CDC42: variants seen among roughly 807,000 people sequenced by gnomAD.
CDC42 encodes the protein cell division cycle 42, also known as cell division control protein 42 homolog.
Under a neutral mutation model 20.8 loss-of-function variants are expected in CDC42, and 1 was observed. The observed-to-expected ratio is 0.05, with a 90% CI of 0.02 to 0.23. The LOEUF (loss-of-function observed/expected upper bound fraction) is 0.23. Among genes scored for constraint, CDC42 ranks in the 10% least tolerant of loss-of-function variants. The pLI, the probability that CDC42 is intolerant of heterozygous loss-of-function variation, is 1.00. For synonymous variants in CDC42, 72 were observed against 84.8 expected (o/e 0.85, Z 0.83); for missense variants, 49 against 227.9 (o/e 0.21, Z 5.05).
intron 2 of CDC42, 135 bp downstream of exon 2, chr1:22,078,718 C>T (rs1184469869): frequency 6.6e-7 from 1 of 1,504,826 alleles, no homozygotes; most frequent in South Asian, 1.2e-5. Flanking sequence ...CTTGACTTCT[C>T]ATGGGTAAAT....
chr1:22,053,974 C>T (rs1441027587), intron 1 of CDC42, among the ~76,000 whole-genome samples: 1 of 152,126 alleles, frequency 6.6e-6, no homozygotes, highest in Non-Finnish European at 1.5e-5. Flanking sequence ...GAACACTTTT[C>T]GGTCCAAAAT....
chr1:22,100,026 C>CTTTTTTTTTTTTTT lies in CDC42; in HGVS notation c.*8511_*8512insTTTTTTTTTTTTTT, dbSNP rs780658203. Among the ~76,000 whole-genome samples the CTTTTTTTTTTTTTT allele has an allele frequency of 3.5e-5, 2 of 57,584 alleles. No homozygotes were observed. The highest frequency in any genetic ancestry group is 3.4e-5 in the Non-Finnish European group (1 of 29,440). 37.8% of individuals were successfully genotyped at this position (57,584 alleles called of 152,430 possible). On this transcript the variant is annotated 3_prime_UTR_variant, in exon 6 of 6. Transcript: ENST00000656825. ...CCTTTTTTTCTTTCTTCTTCTTCTT[C>CTTTTTTTTTTTTTT]TTCTTTTTTTTTTTTTTTGTATAAT...
intron 3 of CDC42, among the ~76,000 whole-genome samples, chr1:22,084,235 C>T (rs1645636032): frequency 6.6e-6 from 1 of 150,676 alleles, no homozygotes; most frequent in Non-Finnish European, 1.5e-5. Flanking sequence ...TTTGAGGAAC[C>T]TCCGTATTGT....
At chr1:22,065,141 A>G (rs1042916408) in intron 1 of CDC42, among the ~76,000 whole-genome samples, 3 of 152,226 alleles carry the variant, frequency 2.0e-5, no homozygotes, top group African/African-American at 7.2e-5. Flanking sequence ...AGCTTGCCCA[A>G]AATCACACAA....
intron 1 of CDC42, among the ~76,000 whole-genome samples, chr1:22,075,799 G>A (rs1283707003): frequency 3.9e-5 from 6 of 152,152 alleles, no homozygotes; most frequent in Admixed American, 2.0e-4. Context: ...CTAGAGTGTG[G>A]TAGAGCCACT....
At position 22,086,795 on chromosome 1, in the gene CDC42, C is replaced by G. The variant is rs1405901539; in HGVS notation, c.415C>G (p.Pro139Ala). ...LAKNKQKPIT[P>A]ETAEKLARDL... ...CAAGAACAAACAGAAGCCTATCACT[C>G]CAGAGACTGCTGAAAAGCTGGCCCG... The change falls in exon 5 of 6, where the codon CCA (proline) becomes GCA (alanine). Residue 139 changes from proline (P) to alanine (A), a missense_variant. Coordinates refer to ENST00000656825, the MANE Select transcript of CDC42 (RefSeq NM_001791.4). 1.9e-6 allele frequency: 3 copies of G among 1,614,036 alleles called. No homozygotes were observed. Among genetic ancestry groups the G allele is most frequent in the African/African-American group, 2.7e-5 (2 of 75,010 alleles).
chr1:22,062,988 A>C (rs1013401433), intron 1 of CDC42, among the ~76,000 whole-genome samples: 11 of 152,118 alleles, frequency 7.2e-5, no homozygotes, highest in Admixed American at 1.3e-4. Flanking sequence ...TGTCTTTGGC[A>C]GCCCACCTTG....
chr1:22,079,283 C>T (rs192420597), intron 2 of CDC42, among the ~76,000 whole-genome samples: 157 of 152,030 alleles, frequency 1.0e-3, no homozygotes, highest in Admixed American at 2.2e-3. Context: ...GGATTACAGG[C>T]GCCCGCCACC....
At chr1:22,090,925 G>A (rs74901847) in intron 5 of CDC42, 4,279 of 340,374 alleles carry the variant, frequency 0.013, 43 homozygotes, top group Non-Finnish European at 0.015. Context: ...TGGGATAAAG[G>A]GAGTTCAAAG....
intron 3 of CDC42, among the ~76,000 whole-genome samples, chr1:22,082,284 A>G (rs767399): frequency 0.95 from 144,084 of 152,308 alleles, 68,244 homozygotes; most frequent in East Asian, 1. Flanking sequence ...ATTTGAAGGC[A>G]TATTCAATTT....
Position 22,073,496 on chromosome 1 carries a change from G to A in CDC42, c.-50-4933G>A, listed in dbSNP as rs16860633. Among the ~76,000 whole-genome samples the A allele has an allele frequency of 2.3e-3, 342 of 150,976 alleles. 3 individuals are homozygous for A. Among genetic ancestry groups the A allele is most frequent in the Non-Finnish European group, 3.7e-3 (251 of 67,866 alleles). On this transcript the variant is annotated intron_variant, in intron 1 of 5. Coordinates refer to ENST00000656825, the MANE Select transcript of CDC42 (RefSeq NM_001791.4). ...GGAGGTTGCAGTGAGCCGAGATCACGCCATTGCACTCCAGCCTGGGTGACA... is the reference window on the plus strand; with the variant it reads ...GGAGGTTGCAGTGAGCCGAGATCACACCATTGCACTCCAGCCTGGGTGACA...
Position 22,093,242 on chromosome 1 carries a change from G to T in CDC42, c.*1725G>T, listed in dbSNP as rs78066419. 5.5e-3 allele frequency among the ~76,000 whole-genome samples: 835 copies of T among 152,218 alleles called. 13 individuals are homozygous for T. The highest frequency in any genetic ancestry group is 0.019 in the African/African-American group (800 of 41,518). On this transcript the variant is annotated 3_prime_UTR_variant, in exon 6 of 6. Transcript: ENST00000656825. ...GCTCATGGTGGAAGGAAATGTCAGT[G>T]TACCTTTAATCCATAGATCATTGAA... is the stretch of plus-strand genomic sequence containing the variant.
Position 22,086,793 on chromosome 1 carries a change from C to G in CDC42, c.413C>G (p.Thr138Ser). 1 of 1,614,064 alleles carries G rather than the reference C, an allele frequency of 6.2e-7. No homozygotes were observed. Among genetic ancestry groups the G allele is most frequent in the Non-Finnish European group, 8.5e-7 (1 of 1,179,948 alleles). Residue 138 changes from threonine (T) to serine (S), a missense_variant, in exon 5 of 6, where the codon ACT (threonine) becomes AGT (serine). Around this residue, in one of 2 missense-constraint regions of CDC42, gnomAD observed 38 missense variants for 106.6 expected, o/e 0.36. Transcript: ENST00000656825. ...GCCAAGAACAAACAGAAGCCTATCA[C>G]TCCAGAGACTGCTGAAAAGCTGGCC... is the stretch of plus-strand genomic sequence containing the variant. ...KLAKNKQKPI[T>S]PETAEKLARD...
At chr1:22,079,341 G>T (rs1004022869) in intron 2 of CDC42, among the ~76,000 whole-genome samples, 2 of 151,900 alleles carry the variant, frequency 1.3e-5, no homozygotes, top group African/African-American at 2.4e-5. Context: ...GTTTTACCAT[G>T]TTGGCCAGGC....
At chr1:22,078,120 CTG>C (rs376563760) in intron 1 of CDC42, among the ~76,000 whole-genome samples, 8 of 152,290 alleles carry the variant, frequency 5.3e-5, no homozygotes, top group East Asian at 3.9e-4. Flanking sequence ...ATTTAGCACA[CTG>C]TGGAATTTTC....
Position 22,091,702 on chromosome 1 carries a change from T to A in CDC42, c.*185T>A, listed in dbSNP as rs1481844205. 1.4e-5 allele frequency: 5 copies of A among 357,184 alleles called. No individual in the cohort carries two copies. The highest frequency in any genetic ancestry group is 2.5e-5 in the Non-Finnish European group (5 of 199,810). 22.1% of individuals were successfully genotyped at this position (357,184 alleles called of 1,614,324 possible). On this transcript the variant is annotated 3_prime_UTR_variant, in exon 6 of 6. Coordinates refer to ENST00000656825, the MANE Select transcript of CDC42 (RefSeq NM_001791.4). ...ATGGCCCCCCCCTTCCCCCTCCCAG[T>A]ACTAGTTAATTTTGAGTAATTGTAT...
chr1:22,091,447 T>G lies in CDC42; in HGVS notation c.506T>G (p.Phe169Cys). The change falls in exon 6 of 6, where the codon TTT becomes TGT. Residue 169 changes from phenylalanine (F) to cysteine (C), a missense_variant. Physicochemically the swap from Phe to Cys is radical, Grantham distance 205. Around this residue, in one of 2 missense-constraint regions of CDC42, gnomAD observed 38 missense variants for 106.6 expected, o/e 0.36. Transcript: ENST00000656825. ...TTTCAGAAAGGCCTAAAGAATGTAT[T>G]TGACGAAGCAATATTGGCTGCCCTG... is the stretch of plus-strand genomic sequence containing the variant. ...ALTQKGLKNVFDEAILAALEP... is the reference protein window; with the variant it reads ...ALTQKGLKNVCDEAILAALEP... The G allele has an allele frequency of 1.9e-6, 3 of 1,613,338 alleles. No homozygotes were observed. The highest frequency in any genetic ancestry group is 2.5e-6 in the Non-Finnish European group (3 of 1,179,410).
rs1645739788 is a variant in CDC42, at chr1:22,094,108, C to G, written c.*2591C>G. On this transcript the variant is annotated 3_prime_UTR_variant, in exon 6 of 6. Coordinates refer to ENST00000656825, the MANE Select transcript of CDC42 (RefSeq NM_001791.4). ...AAATATTGTTTTCTATTTGACGTAA[C>G]AAACTTGCTTATAGTCGTGGCTTAG... Among the ~76,000 whole-genome samples the G allele has an allele frequency of 6.6e-6, 1 of 151,948 alleles. No homozygotes were observed. Among genetic ancestry groups the G allele is most frequent in the Non-Finnish European group, 1.5e-5 (1 of 67,990 alleles).
At chr1:22,074,375 G>T (rs1645525709) in intron 1 of CDC42, among the ~76,000 whole-genome samples, 1 of 152,108 alleles carries the variant, frequency 6.6e-6, no homozygotes, top group Non-Finnish European at 1.5e-5. Context: ...CGTGCCCAGC[G>T]CAGAATAACT....
Sources: allele counts gnomAD v4.1 joint callset (sites outside exome capture counted in the v4.1 genomes callset), GRCh38; gene constraint gnomAD v4.1.1; regional missense constraint gnomAD v4.1.1; transcripts MANE v1.5; gene names NCBI Gene and HGNC (gene_info 2026-07-23, HGNC 2026-07-21).